Variants in ASIC2 observed in about 807,000 individuals in gnomAD.
ASIC2 encodes acid sensing ion channel subunit 2.
ASIC2 carries 25 observed loss-of-function variants against 57.3 expected under a neutral mutation model. The observed-to-expected ratio is 0.44, with a 90% confidence interval of 0.32 to 0.61. The LOEUF (loss-of-function observed/expected upper bound fraction) is 0.61. Among genes scored for constraint, ASIC2 ranks in the 20% least tolerant of loss-of-function variants. The probability of loss-of-function intolerance (pLI) is 0.06; values close to 1 mark genes in which losing one functional copy is unlikely to be tolerated. For missense variants in ASIC2, 641 were observed against 738.1 expected (o/e 0.87, Z 1.52); for synonymous variants, 319 against 307.5 (o/e 1.04, Z -0.39).
intron 1 of ASIC2, among the ~76,000 whole-genome samples, chr17:33,941,845 A>C (rs62059921): frequency 0.15 from 22,219 of 152,184 alleles, 2,054 homozygotes; most frequent in East Asian, 0.28. Context: ...AGGACAGGGC[A>C]GGATGCTGCT....
At chr17:33,693,992 G>A (rs73280970) in intron 1 of ASIC2, among the ~76,000 whole-genome samples, 3,800 of 152,276 alleles carry the variant, frequency 0.025, 142 homozygotes, top group African/African-American at 0.087. Context: ...TCTTCCTATG[G>A]ACTGTGTTTA....
At chr17:33,382,066 G>A (rs548607926) in intron 1 of ASIC2, among the ~76,000 whole-genome samples, 15 of 152,270 alleles carry the variant, frequency 9.9e-5, no homozygotes, top group Non-Finnish European at 1.5e-4. Flanking sequence ...GTGCTGAAGG[G>A]TTGTACTGTG....
At chr17:33,033,157 A>T (rs1335163215) in intron 3 of ASIC2, among the ~76,000 whole-genome samples, 1 of 152,160 alleles carries the variant, frequency 6.6e-6, no homozygotes, top group East Asian at 1.9e-4. Flanking sequence ...CTGGGGCTGC[A>T]CACTCCGTAG....
chr17:33,777,841 T>C (rs1385593221), intron 1 of ASIC2, among the ~76,000 whole-genome samples: 2 of 152,226 alleles, frequency 1.3e-5, no homozygotes, highest in Admixed American at 1.3e-4. Context: ...AGTGCTTCTC[T>C]CCTTCCTCAA....
chr17:33,722,122 C>A (rs1567698081), intron 1 of ASIC2, among the ~76,000 whole-genome samples: 1 of 152,186 alleles, frequency 6.6e-6, no homozygotes, highest in Admixed American at 6.5e-5. Flanking sequence ...TGAAAGGACC[C>A]AGTGGGAGGT....
At chr17:33,728,369 T>C (rs1209679474) in intron 1 of ASIC2, among the ~76,000 whole-genome samples, 1 of 151,960 alleles carries the variant, frequency 6.6e-6, no homozygotes, top group Non-Finnish European at 1.5e-5. Flanking sequence ...GATTTGGCTT[T>C]CCCCCCTACC....
At chr17:33,806,507 A>G (rs974883556) in intron 1 of ASIC2, among the ~76,000 whole-genome samples, 1 of 152,234 alleles carries the variant, frequency 6.6e-6, no homozygotes, top group Non-Finnish European at 1.5e-5. Flanking sequence ...TGAAAACAGC[A>G]TGAGCTTCTG....
chr17:33,473,231 C>G (rs557561116), intron 1 of ASIC2, among the ~76,000 whole-genome samples: 1 of 152,236 alleles, frequency 6.6e-6, no homozygotes, highest in Non-Finnish European at 1.5e-5. Context: ...TCCATCTGTT[C>G]GGTTCCTTCT....
chr17:34,030,543 G>A (rs1907561586), intron 1 of ASIC2, among the ~76,000 whole-genome samples: 1 of 152,230 alleles, frequency 6.6e-6, no homozygotes, highest in Non-Finnish European at 1.5e-5. Flanking sequence ...TGCGCGAGCT[G>A]AAGTAGGGCG....
At chr17:33,253,107 T>C (rs1212642309) in intron 1 of ASIC2, among the ~76,000 whole-genome samples, 1 of 152,240 alleles carries the variant, frequency 6.6e-6, no homozygotes, top group Non-Finnish European at 1.5e-5. Flanking sequence ...CTCACATCCC[T>C]ATAAGATAGT....
At chr17:33,259,289 ATCTTG>A (rs1235776575) in intron 1 of ASIC2, among the ~76,000 whole-genome samples, 2 of 152,232 alleles carry the variant, frequency 1.3e-5, no homozygotes. Context: ...TGGTGGCATT[ATCTTG>A]TACAGCAATA....
chr17:33,310,974 CT>C (rs1259856229), intron 1 of ASIC2, among the ~76,000 whole-genome samples: 2 of 152,156 alleles, frequency 1.3e-5, no homozygotes, highest in Non-Finnish European at 2.9e-5. Flanking sequence ...GATTTTACAG[CT>C]TTGGTTAGAG....
chr17:33,595,361 GT>G (rs1904949721), intron 1 of ASIC2, among the ~76,000 whole-genome samples: 1 of 152,254 alleles, frequency 6.6e-6, no homozygotes, highest in Non-Finnish European at 1.5e-5. Context: ...AAGTCAGCTA[GT>G]TTGGGAAGAG....
intron 1 of ASIC2, among the ~76,000 whole-genome samples, chr17:34,147,266 T>G (rs2142140817): frequency 6.6e-6 from 1 of 152,338 alleles, no homozygotes; most frequent in South Asian, 2.1e-4. Flanking sequence ...CCATTGAGGC[T>G]TATTACCTTC....
chr17:33,457,524 A>G (rs747635146), intron 1 of ASIC2, among the ~76,000 whole-genome samples: 3 of 146,960 alleles, frequency 2.0e-5, no homozygotes, highest in Non-Finnish European at 4.5e-5. Flanking sequence ...ATATCCACTT[A>G]TTAAGAACAT....
At position 33,616,111 on chromosome 17, in the gene ASIC2, T is replaced by C. The variant is rs1597808461; in HGVS notation, c.556-504044A>G. On this transcript the variant is annotated intron_variant, in intron 1 of 9. Coordinates refer to the ASIC2 transcript ENST00000359872. ...TGCTGGGGTCTCTGTTACGACCAGCTGTCAGCAGCAACTGCAGCAGCACTT... is the reference window on the plus strand; with the variant it reads ...TGCTGGGGTCTCTGTTACGACCAGCCGTCAGCAGCAACTGCAGCAGCACTT... Among the ~76,000 whole-genome samples the C allele has an allele frequency of 2.0e-5, 3 of 152,258 alleles. No homozygotes were observed. The South Asian group carries it at 6.2e-4, about 31-fold the overall frequency.
chr17:34,088,686 C>T (rs1168035985), intron 1 of ASIC2, among the ~76,000 whole-genome samples: 1 of 152,226 alleles, frequency 6.6e-6, no homozygotes, highest in Non-Finnish European at 1.5e-5. Context: ...GTGGTGGGCT[C>T]CACCCAGTTC....
At chr17:34,001,867 G>A (rs552208020) in intron 1 of ASIC2, 16 of 152,356 alleles carry the variant, frequency 1.1e-4, no homozygotes, top group African/African-American at 3.6e-4. Flanking sequence ...CACATGGATA[G>A]TTGTTCAAAT....
At chr17:33,108,954 T>C (rs2092246067) in intron 2 of ASIC2, among the ~76,000 whole-genome samples, 1 of 152,226 alleles carries the variant, frequency 6.6e-6, no homozygotes, top group African/African-American at 2.4e-5. Flanking sequence ...TGTTTTCAAA[T>C]ATACTAACTG....
Sources: gnomAD v4.1 joint callset for allele counts (sites outside exome capture counted in the v4.1 genomes callset) on GRCh38, gnomAD v4.1.1 for gene constraint, MANE v1.5 for transcripts, NCBI Gene and HGNC (gene_info 2026-07-23, HGNC 2026-07-21) for gene names.